The following ZNF385D variants were observed in gnomAD, a reference collection of about 807,000 sequenced individuals.
ZNF385D encodes zinc finger protein 659.
ZNF385D carries 15 observed loss-of-function variants against 35.8 expected under a neutral mutation model. That is an observed-to-expected ratio of 0.42 (90% CI 0.28 to 0.64). The LOEUF (loss-of-function observed/expected upper bound fraction) is 0.64. Among genes scored for constraint, ZNF385D ranks in the 30% least tolerant of loss-of-function variants. ZNF385D has a pLI of 0.23. For synonymous variants in ZNF385D, 212 were observed against 186.8 expected (o/e 1.13, Z -1.10); for missense variants, 474 against 494.6 (o/e 0.96, Z 0.39).
rs568437670 is a variant in ZNF385D at position 21,423,922 on chromosome 3, A to C, written c.954+41T>G. On this transcript the variant is annotated intron_variant, in intron 7 of 7. Transcript: ENST00000281523. ...AACAAATCAAGAAACCAATAATTCC[A>C]TTTGGGAATAGAGGCTGGACTCTTG... is the stretch of plus-strand genomic sequence containing the variant. 5.0e-5 allele frequency: 79 copies of C among 1,573,538 alleles called. 1 individual carries two copies. The East Asian group carries it at 1.8e-3, about 35-fold the overall frequency.
At chr3:21,554,824 C>G (rs1426806094) in intron 3 of ZNF385D, among the ~76,000 whole-genome samples, 3 of 152,140 alleles carry the variant, frequency 2.0e-5, no homozygotes, top group African/African-American at 7.2e-5. Context: ...CCAACCACTT[C>G]CAGCTTCAGA....
intron 3 of ZNF385D, among the ~76,000 whole-genome samples, chr3:21,833,732 A>G (rs1183076241): frequency 1.3e-5 from 2 of 152,206 alleles, no homozygotes; most frequent in Admixed American, 6.5e-5. Context: ...GCTACGCTCT[A>G]TAACTTAGAA....
Position 21,814,781 on chromosome 3 carries a change from G to T in ZNF385D, c.326-149753C>A, listed in dbSNP as rs138939934. On this transcript the variant is annotated intron_variant, in intron 3 of 5. Coordinates refer to the ZNF385D transcript ENST00000494108. The stretch of plus-strand genomic sequence containing the variant: ...CAACATTAGACAGATCAATGAGACA[G>T]AAAGTTAACAAGGATATCCAGGAAT... Among the ~76,000 whole-genome samples, 548 of 152,244 alleles carry T rather than the reference G, an allele frequency of 3.6e-3. 7 individuals carry two copies. The highest frequency in any genetic ancestry group is 0.012 in the African/African-American group (510 of 41,550).
At chr3:22,165,347 T>G (rs752767800) in intron 3 of ZNF385D, among the ~76,000 whole-genome samples, 11 of 152,292 alleles carry the variant, frequency 7.2e-5, no homozygotes, top group East Asian at 1.9e-4. Flanking sequence ...AGCTGAGTAG[T>G]TTGGTCTTTG....
chr3:21,512,857 T>C (rs1049950746), intron 3 of ZNF385D, among the ~76,000 whole-genome samples: 1 of 152,198 alleles, frequency 6.6e-6, no homozygotes, highest in Non-Finnish European at 1.5e-5. Flanking sequence ...ATATGCTATA[T>C]TCAATTAAAA....
chr3:22,270,425 C>T (rs1701113713), intron 2 of ZNF385D, among the ~76,000 whole-genome samples: 1 of 151,990 alleles, frequency 6.6e-6, no homozygotes, highest in Admixed American at 6.6e-5. Flanking sequence ...AATCTGCCAA[C>T]CAACATTTTC....
intron 3 of ZNF385D, among the ~76,000 whole-genome samples, chr3:22,096,877 T>C (rs1701662742): frequency 6.6e-6 from 1 of 152,066 alleles, no homozygotes; most frequent in South Asian, 2.1e-4. Context: ...ATCTGTGATT[T>C]GTGACTGATT....
intron 1 of ZNF385D, among the ~76,000 whole-genome samples, chr3:21,705,685 G>C (rs774035485): frequency 6.6e-6 from 1 of 152,156 alleles, no homozygotes; most frequent in African/African-American, 2.4e-5. Context: ...TCATATGATG[G>C]CAGAGCTGAA....
intron 2 of ZNF385D, among the ~76,000 whole-genome samples, chr3:22,201,684 C>T (rs1696810329): frequency 6.6e-6 from 1 of 151,904 alleles, no homozygotes; most frequent in African/African-American, 2.4e-5. Flanking sequence ...TATGCTGATA[C>T]ATAATTTAAA....
chr3:21,536,091 T>C lies in ZNF385D; in HGVS notation c.277-25068A>G, dbSNP rs191879183. Among the ~76,000 whole-genome samples the C allele has an allele frequency of 2.1e-5, 3 of 143,608 alleles. No individual in the cohort carries two copies. The East Asian group carries it at 6.2e-4, about 29-fold the overall frequency. The allele number at this position is 143,608 out of a possible 152,430, so 94.2% of individuals were successfully genotyped here. A position where few individuals can be genotyped will look rare whatever the true frequency, so the allele number is the denominator to read the frequency against. ...CAAAGCCTTTGATTATCCAAAACTT[T>C]CTTAATGATTAAACAGTAACAACTT... On this transcript the variant is annotated intron_variant, in intron 3 of 7. Coordinates refer to ENST00000281523, the MANE Select transcript of ZNF385D (RefSeq NM_024697.3).
chr3:21,860,420 AAT>A (rs1314374058), intron 3 of ZNF385D, among the ~76,000 whole-genome samples: 1 of 152,132 alleles, frequency 6.6e-6, no homozygotes, highest in Non-Finnish European at 1.5e-5. Context: ...CAGATTAATC[AAT>A]ATGTTTGCCA....
At chr3:22,289,692 T>G (rs987327215) in intron 2 of ZNF385D, among the ~76,000 whole-genome samples, 1 of 152,172 alleles carries the variant, frequency 6.6e-6, no homozygotes, top group Non-Finnish European at 1.5e-5. Flanking sequence ...GAATCACACA[T>G]GCCTAGTACG....
chr3:22,179,825 G>T (rs62248926), intron 2 of ZNF385D, among the ~76,000 whole-genome samples: 21,114 of 152,132 alleles, frequency 0.14, 1,562 homozygotes, highest in East Asian at 0.24. Flanking sequence ...ATGCCCACAA[G>T]AGAAAGCAGG....
intron 3 of ZNF385D, among the ~76,000 whole-genome samples, chr3:21,830,027 G>A (rs930655915): frequency 2.0e-5 from 3 of 152,012 alleles, no homozygotes; most frequent in African/African-American, 4.8e-5. Context: ...GGGAGGCTGA[G>A]GCAGGAGAAT....
chr3:21,601,222 A>T (rs759847184), intron 2 of ZNF385D, among the ~76,000 whole-genome samples: 2 of 152,258 alleles, frequency 1.3e-5, no homozygotes, highest in African/African-American at 2.4e-5. Context: ...TTAGAAAGTC[A>T]TACCTGTGAC....
At chr3:21,922,063 A>G (rs1323677829) in intron 3 of ZNF385D, among the ~76,000 whole-genome samples, 3 of 152,296 alleles carry the variant, frequency 2.0e-5, no homozygotes, top group African/African-American at 7.2e-5. Flanking sequence ...TGACAGGTCA[A>G]TATTCCTGAT....
chr3:21,752,057 G>C (rs972474391), upstream of ZNF385D, among the ~76,000 whole-genome samples: 5 of 118,288 alleles, frequency 4.2e-5, no homozygotes, highest in African/African-American at 1.7e-4. Flanking sequence ...CATTAAATTT[G>C]AGATGAACGG....
rs1695082129 is a variant in ZNF385D at position 22,334,576 on chromosome 3, T to C, written c.106+37874A>G. Among the ~76,000 whole-genome samples, 3 of 152,184 alleles carry C rather than the reference T, an allele frequency of 2.0e-5. No individual in the cohort carries two copies. The South Asian group carries it at 6.2e-4, about 32-fold the overall frequency. ...GTGATGAATTCTCTCAACTTGTTTG[T>C]CTGAAAAAGTTATCATCTGACCATA... On this transcript the variant is annotated intron_variant, in intron 2 of 5. Transcript: ENST00000494108.
At chr3:21,999,021 G>C (rs1350658973) in intron 3 of ZNF385D, among the ~76,000 whole-genome samples, 1 of 152,130 alleles carries the variant, frequency 6.6e-6, no homozygotes, top group African/African-American at 2.4e-5. Flanking sequence ...TCTCGGTTTA[G>C]CCTTTTTAAA....
Sources: allele counts gnomAD v4.1 joint callset (sites outside exome capture counted in the v4.1 genomes callset), GRCh38; gene constraint gnomAD v4.1.1; transcripts MANE v1.5; gene names NCBI Gene and HGNC (gene_info 2026-07-23, HGNC 2026-07-21).